Variants in TDRD5 observed in about 807,000 individuals in gnomAD.
The protein encoded by TDRD5 is tudor domain containing 5, also known as tudor domain-containing protein 5.
TDRD5 carries 41 observed loss-of-function variants against 120.6 expected under a neutral mutation model. That is an observed-to-expected ratio of 0.34 (90% CI 0.26 to 0.44). The LOEUF is 0.44. Among genes scored for constraint, TDRD5 ranks in the 20% least tolerant of loss-of-function variants. TDRD5 has a pLI of 1.00. For missense variants in TDRD5, 1,006 were observed against 1,221.2 expected (o/e 0.82, Z 2.63); for synonymous variants, 430 against 433.7 (o/e 0.99, Z 0.11).
chr1:179,687,190 A>T (rs1325262045), intron 17 of TDRD5, among the ~76,000 whole-genome samples: 1 of 152,112 alleles, frequency 6.6e-6, no homozygotes, highest in African/African-American at 2.4e-5. Context: ...AGTGCTATAA[A>T]TTTCCCTCTA....
intron 16 of TDRD5, among the ~76,000 whole-genome samples, chr1:179,666,284 C>G (rs1425808275): frequency 6.6e-6 from 1 of 152,186 alleles, no homozygotes; most frequent in Non-Finnish European, 1.5e-5. Context: ...TCAATACTTA[C>G]AAACCTACCT....
chr1:179,622,708 A>T (rs1676905468), intron 6 of TDRD5, among the ~76,000 whole-genome samples: 1 of 152,192 alleles, frequency 6.6e-6, no homozygotes, highest in Non-Finnish European at 1.5e-5. Context: ...AATAGAAATT[A>T]TCCAATTTGA....
At chr1:179,663,864 G>C (rs1679436850) in intron 16 of TDRD5, among the ~76,000 whole-genome samples, 1 of 152,254 alleles carries the variant, frequency 6.6e-6, no homozygotes, top group East Asian at 1.9e-4. Context: ...CTGTAACTTA[G>C]TCATAATTTT....
At chr1:179,662,416 C>A (rs1004872777) in intron 15 of TDRD5, 130 bp downstream of exon 15, 1 of 885,040 alleles carries the variant, frequency 1.1e-6, no homozygotes. Context: ...GCCTGGGCAA[C>A]ATGGTGAGAC....
intron 11 of TDRD5, among the ~76,000 whole-genome samples, chr1:179,649,369 G>A (rs1678583053): frequency 6.6e-6 from 1 of 151,760 alleles, no homozygotes; most frequent in South Asian, 2.1e-4. Context: ...TATTAAAAGT[G>A]TTAAAACTTC....
At chr1:179,658,462 G>C (rs1009393015) in intron 14 of TDRD5, among the ~76,000 whole-genome samples, 17 of 152,096 alleles carry the variant, frequency 1.1e-4, no homozygotes, top group African/African-American at 4.1e-4. Flanking sequence ...ATTCAAATCA[G>C]CTATTTTATC....
chr1:179,669,735 A>G (rs1158291708), intron 17 of TDRD5, among the ~76,000 whole-genome samples: 1 of 152,172 alleles, frequency 6.6e-6, no homozygotes, highest in East Asian at 1.9e-4. Context: ...TAACATTTCC[A>G]TCAGCCTGAA....
chr1:179,614,010 A>T lies in TDRD5; in HGVS notation c.832-4589A>T, dbSNP rs1430587053. ...CTTCTGTTTCTTTCTGCTTTTAGCC[A>T]TGTGCATCCTCTTTCCAAAGTGCTT... On this transcript the variant is annotated intron_variant, in intron 4 of 17. Transcript: ENST00000444136. Among the ~76,000 whole-genome samples the T allele has an allele frequency of 2.0e-5, 3 of 152,218 alleles. No individual in the cohort carries two copies. The East Asian group carries it at 5.8e-4, about 29-fold the overall frequency.
chr1:179,662,367 A>G lies in TDRD5; in HGVS notation c.2505+81A>G, dbSNP rs544118403. 190 of 1,457,246 alleles carry G rather than the reference A, an allele frequency of 1.3e-4. No homozygotes were observed. The African/African-American group carries it at 2.7e-3, about 20-fold the overall frequency. 90.3% of individuals were successfully genotyped at this position (1,457,246 alleles called of 1,614,324 possible). A position where few individuals can be genotyped will look rare whatever the true frequency, so the allele number is the denominator to read the frequency against. ...TGTAATCCTAGCAGTTTGGGAGGCC[A>G]AGGTGGGTGGATCAGTTGAGCTCAG... is the stretch of plus-strand genomic sequence containing the variant. On this transcript the variant is annotated intron_variant, in intron 15 of 17. Transcript: ENST00000444136.
chr1:179,617,597 A>G (rs1676626751), intron 4 of TDRD5, among the ~76,000 whole-genome samples: 1 of 151,254 alleles, frequency 6.6e-6, no homozygotes, highest in African/African-American at 2.4e-5. Flanking sequence ...GGTAATTGGT[A>G]TTTTTCTTTA....
At chr1:179,621,687 T>C (rs1676852354) in intron 6 of TDRD5, among the ~76,000 whole-genome samples, 1 of 152,106 alleles carries the variant, frequency 6.6e-6, no homozygotes, top group Non-Finnish European at 1.5e-5. Flanking sequence ...TTTAAAACCA[T>C]AATGTTGAGT....
chr1:179,611,768 T>C (rs1676289674), intron 4 of TDRD5, among the ~76,000 whole-genome samples: 1 of 152,192 alleles, frequency 6.6e-6, no homozygotes, highest in Non-Finnish European at 1.5e-5. Flanking sequence ...AGATACACTT[T>C]CTTCTATCTT....
intron 3 of TDRD5, among the ~76,000 whole-genome samples, chr1:179,594,895 C>T (rs939673029): frequency 6.6e-6 from 1 of 152,224 alleles, no homozygotes; most frequent in African/African-American, 2.4e-5. Flanking sequence ...CATACTATTA[C>T]ACTTGCAAGA....
At chr1:179,601,941 G>A (rs1246635711) in intron 4 of TDRD5, among the ~76,000 whole-genome samples, 2 of 152,218 alleles carry the variant, frequency 1.3e-5, no homozygotes, top group Non-Finnish European at 2.9e-5. Flanking sequence ...GAGTAGCTGG[G>A]ACTACAGGCA....
intron 17 of TDRD5, 71 bp from the exon 18 acceptor site, chr1:179,690,625 A>G: frequency 2.6e-6 from 4 of 1,551,392 alleles, no homozygotes; most frequent in East Asian, 4.5e-5. Flanking sequence ...GTATAGAACT[A>G]GAATGGGGGA....
chr1:179,648,338 A>G (rs559830526), intron 11 of TDRD5, among the ~76,000 whole-genome samples: 7,112 of 143,946 alleles, frequency 0.049, 259 homozygotes, highest in Non-Finnish European at 0.069. Flanking sequence ...TCAGTAAACT[A>G]TCGCAAGAAC....
chr1:179,616,862 GC>G (rs1676589182), intron 4 of TDRD5, among the ~76,000 whole-genome samples: 1 of 152,080 alleles, frequency 6.6e-6, no homozygotes, highest in Non-Finnish European at 1.5e-5. Context: ...AATTTTAAGT[GC>G]CCTGAGAGGA....
chr1:179,655,183 T>A (rs995526566), intron 14 of TDRD5, among the ~76,000 whole-genome samples: 2 of 152,334 alleles, frequency 1.3e-5, no homozygotes, highest in Middle Eastern at 3.4e-3. Context: ...TTTTCAGTTT[T>A]AAGTATCTGT....
At chr1:179,668,990 C>T (rs1444460096) in intron 16 of TDRD5, among the ~76,000 whole-genome samples, 6 of 151,940 alleles carry the variant, frequency 3.9e-5, no homozygotes, top group African/African-American at 7.3e-5. Flanking sequence ...GTGATCCGCC[C>T]GCCTCGGCCT....
Sources: allele counts gnomAD v4.1 joint callset (sites outside exome capture counted in the v4.1 genomes callset), GRCh38; gene constraint gnomAD v4.1.1; transcripts MANE v1.5; gene names NCBI Gene and HGNC (gene_info 2026-07-23, HGNC 2026-07-21).